Variants in JAKMIP2 observed in about 807,000 individuals in gnomAD.
JAKMIP2 encodes the protein janus kinase and microtubule interacting protein 2.
A neutral mutation model predicts 115.0 loss-of-function variants in JAKMIP2; 25 were observed. The ratio of observed to expected loss-of-function variants is 0.22; its 90% confidence interval spans 0.16 to 0.30. The LOEUF (loss-of-function observed/expected upper bound fraction) is 0.30, where lower values mean the gene tolerates loss of function less well. Ranked by LOEUF, JAKMIP2 falls within the 10% of genes least tolerant of loss-of-function variation. The pLI is 1.00. For missense variants in JAKMIP2, 642 were observed against 957.6 expected (o/e 0.67, Z 4.35); for synonymous variants, 334 against 343.6 (o/e 0.97, Z 0.31).
chr5:147,638,970 C>T (rs1581335301), intron 10 of JAKMIP2, among the ~76,000 whole-genome samples: 1 of 152,226 alleles, frequency 6.6e-6, no homozygotes, highest in Admixed American at 6.5e-5. Context: ...ACAGCAAGCA[C>T]TCAATAAATA....
chr5:147,700,375 T>C (rs1752276234), intron 1 of JAKMIP2, among the ~76,000 whole-genome samples: 1 of 152,058 alleles, frequency 6.6e-6, no homozygotes, highest in African/African-American at 2.4e-5. Flanking sequence ...AAAGAGACAT[T>C]TAGTGAACTA....
chr5:147,764,060 T>A (rs1755024803), intron 1 of JAKMIP2, among the ~76,000 whole-genome samples: 1 of 152,120 alleles, frequency 6.6e-6, no homozygotes, highest in South Asian at 2.1e-4. Flanking sequence ...ACACAATCTC[T>A]CTGTTTCATT....
At chr5:147,637,436 G>GTTTTTTTTTTTTT (rs1561506660) in intron 10 of JAKMIP2, among the ~76,000 whole-genome samples, 4 of 74,024 alleles carry the variant, frequency 5.4e-5, no homozygotes, top group South Asian at 6.5e-4. Context: ...AAATTCTTTT[G>GTTTTTTTTTTTTT]ATTTTTTTTT....
chr5:147,624,658 C>T (rs945731449), intron 16 of JAKMIP2, among the ~76,000 whole-genome samples: 2 of 152,114 alleles, frequency 1.3e-5, no homozygotes, highest in African/African-American at 4.8e-5. Flanking sequence ...TGTGACCCTA[C>T]CATATACAGG....
At chr5:147,660,140 A>AT (rs1758884316) in intron 3 of JAKMIP2, among the ~76,000 whole-genome samples, 1 of 152,194 alleles carries the variant, frequency 6.6e-6, no homozygotes, top group Non-Finnish European at 1.5e-5. Flanking sequence ...TGAATATAAA[A>AT]TTTTTTGGTC....
intron 1 of JAKMIP2, among the ~76,000 whole-genome samples, chr5:147,766,178 C>A (rs1755150214): frequency 1.3e-5 from 2 of 152,104 alleles, no homozygotes; most frequent in Non-Finnish European, 2.9e-5. Flanking sequence ...ACACTGTAGG[C>A]CAATGGGAGA....
At chr5:147,673,276 A>G (rs907757871) in intron 1 of JAKMIP2, among the ~76,000 whole-genome samples, 4 of 152,220 alleles carry the variant, frequency 2.6e-5, no homozygotes, top group African/African-American at 7.2e-5. Context: ...GTCAATGGGA[A>G]AAACATGACA....
chr5:147,660,846 C>T (rs771683600), intron 3 of JAKMIP2, 102 bp downstream of exon 3: 25 of 1,333,754 alleles, frequency 1.9e-5, no homozygotes, highest in Non-Finnish European at 2.4e-5. Flanking sequence ...GCACTGTTTA[C>T]AATCCACTGA....
chr5:147,610,907 G>T (rs1042868181), intron 20 of JAKMIP2, among the ~76,000 whole-genome samples: 1 of 152,218 alleles, frequency 6.6e-6, no homozygotes, highest in Non-Finnish European at 1.5e-5. Flanking sequence ...TAGACAGGCA[G>T]TCTGGCTACA....
At chr5:147,650,670 A>C in intron 3 of JAKMIP2, 123 bp from the exon 4 acceptor site, 1 of 728,704 alleles carries the variant, frequency 1.4e-6, no homozygotes, top group Non-Finnish European at 2.3e-6. Flanking sequence ...GGATTTGATA[A>C]GTGTATTGGT....
chr5:147,611,151 A>C (rs1756296640), intron 20 of JAKMIP2, among the ~76,000 whole-genome samples: 1 of 152,152 alleles, frequency 6.6e-6, no homozygotes, highest in African/African-American at 2.4e-5. Context: ...GAGCAAGACC[A>C]CTTGGCTCCC....
intron 1 of JAKMIP2, among the ~76,000 whole-genome samples, chr5:147,770,453 A>G (rs956355814): frequency 2.0e-5 from 3 of 152,128 alleles, no homozygotes; most frequent in Admixed American, 6.6e-5. Flanking sequence ...GTGTACAGAC[A>G]GACAACCAAA....
At chr5:147,759,927 C>A (rs1754874770) in intron 1 of JAKMIP2, among the ~76,000 whole-genome samples, 1 of 151,902 alleles carries the variant, frequency 6.6e-6, no homozygotes, top group African/African-American at 2.4e-5. Context: ...GATGGCAGCC[C>A]TACATGGGAA....
chr5:147,688,749 G>A (rs1012649017), intron 1 of JAKMIP2, among the ~76,000 whole-genome samples: 10 of 152,130 alleles, frequency 6.6e-5, no homozygotes, highest in East Asian at 1.9e-4. Flanking sequence ...CCGGTAAAGC[G>A]TTTCACATGG....
chr5:147,782,548 C>G lies in JAKMIP2; in HGVS notation c.-241G>C. 2 of 1,388,270 alleles carry G rather than the reference C, an allele frequency of 1.4e-6. No homozygotes were observed. The highest frequency in any genetic ancestry group is 2.0e-6 in the Non-Finnish European group (2 of 1,012,368). The allele number at this position is 1,388,270 out of a possible 1,614,324, so 86.0% of individuals were successfully genotyped here. A position where few individuals can be genotyped will look rare whatever the true frequency, so the allele number is the denominator to read the frequency against. ...CCGAGTCGGATGCAGCCTCCGAACC[C>G]AACATCAGCAGTGGCTGCCGGTTTT... On this transcript the variant is annotated 5_prime_UTR_variant, in exon 1 of 22. Coordinates refer to ENST00000616793, the MANE Select transcript of JAKMIP2 (RefSeq NM_001270941.2).
chr5:147,762,448 C>T (rs1754962460), intron 1 of JAKMIP2, among the ~76,000 whole-genome samples: 1 of 152,054 alleles, frequency 6.6e-6, no homozygotes, highest in Admixed American at 6.6e-5. Context: ...TCTCACAGTT[C>T]TAGGGGCTTG....
chr5:147,727,727 T>C (rs1453585119), intron 1 of JAKMIP2, among the ~76,000 whole-genome samples: 1 of 152,246 alleles, frequency 6.6e-6, no homozygotes, highest in Non-Finnish European at 1.5e-5. Context: ...GTACTACGGT[T>C]AAAAGTCAGC....
intron 12 of JAKMIP2, among the ~76,000 whole-genome samples, chr5:147,635,934 T>C (rs888946716): frequency 2.6e-5 from 4 of 152,178 alleles, no homozygotes; most frequent in Non-Finnish European, 5.9e-5. Flanking sequence ...TGTATATATA[T>C]ATGTACAGTA....
chr5:147,698,194 C>A (rs961804716), intron 1 of JAKMIP2, among the ~76,000 whole-genome samples: 4 of 152,184 alleles, frequency 2.6e-5, no homozygotes, highest in Non-Finnish European at 4.4e-5. Context: ...GGATTTTGGA[C>A]TTGCATGACC....
Sources: allele counts gnomAD v4.1 joint callset (sites outside exome capture counted in the v4.1 genomes callset), GRCh38; gene constraint gnomAD v4.1.1; transcripts MANE v1.5; gene names NCBI Gene and HGNC (gene_info 2026-07-23, HGNC 2026-07-21).